The following ANO7 variants were observed in gnomAD, a reference collection of about 807,000 sequenced individuals.
ANO7 encodes anoctamin-7.
ANO7 carries 114 observed loss-of-function variants against 115.8 expected under a neutral mutation model. The ratio of observed to expected loss-of-function variants is 0.98; its 90% confidence interval spans 0.85 to 1.15. ANO7 has a LOEUF of 1.15. ANO7 is among the 50% of genes most tolerant of loss of function. The pLI is 0.00. For synonymous variants in ANO7, 550 were observed against 498.2 expected, an observed-to-expected ratio of 1.10 and a Z score of -1.38; for missense variants, 1,302 against 1,201.2, an observed-to-expected ratio of 1.08 and a Z score of -1.24.
At chr2:241,190,311 C>A (rs2068167189) in intron 2 of ANO7, 140 bp downstream of exon 2, 3 of 683,268 alleles carry the variant, frequency 4.4e-6, no homozygotes, top group Non-Finnish European at 7.5e-6. Flanking sequence ...ACCCCCAAGC[C>A]CTCGCCACCC....
At chr2:241,214,110 T>C (rs1363523099) in intron 17 of ANO7, among the ~76,000 whole-genome samples, 1 of 151,816 alleles carries the variant, frequency 6.6e-6, no homozygotes, top group Non-Finnish European at 1.5e-5. Context: ...TATGGTGAAA[T>C]CCCGTCTCTA....
intron 13 of ANO7, 107 bp downstream of exon 13, chr2:241,209,742 G>C: frequency 7.1e-7 from 1 of 1,414,084 alleles, no homozygotes; most frequent in Non-Finnish European, 9.3e-7. Flanking sequence ...CCTCCTCTGG[G>C]CACAGAACCC....
At chr2:241,227,852 T>G, downstream of ANO7, 1 of 151,788 alleles carries the variant, frequency 6.6e-6, no homozygotes, top group South Asian at 2.1e-4. Flanking sequence ...GGAGGTGGAG[T>G]AGACAGATCC....
rs1459901131 is a variant in ANO7, at chr2:241,200,115, G to A, written c.444G>A (p.Trp148Ter). The change falls in exon 6 of 25, where the codon TGG (tryptophan) becomes TGA (stop). Residue 148 changes from tryptophan (W) to a stop codon, truncating the protein, a stop_gained. Coordinates refer to ENST00000674324, the MANE Select transcript of ANO7 (RefSeq NM_001370694.2). LOFTEE classifies it high-confidence loss of function. ...LQELPNQASN[W>*]SAGLLAWLGI... ...AGTTACCCAACCAGGCCTCCAACTG[G>A]TCGGCCGGCCTGCTGGCATGGCTGG... The A allele has an allele frequency of 6.2e-7, 1 of 1,612,980 alleles. No homozygotes were observed. The highest frequency in any genetic ancestry group is 1.7e-5 in the Admixed American group (1 of 60,006).
chr2:241,194,533 T>C (rs994889676), intron 3 of ANO7, among the ~76,000 whole-genome samples: 1 of 151,840 alleles, frequency 6.6e-6, no homozygotes, highest in Admixed American at 6.6e-5. Context: ...TTAGCCAGGA[T>C]GGTCTTGATC....
At chr2:241,204,754 C>A in intron 9 of ANO7, 111 bp from the exon 10 acceptor site, 1 of 754,718 alleles carries the variant, frequency 1.3e-6, no homozygotes, top group South Asian at 1.8e-5. Context: ...GCCCCAGCCC[C>A]CAAGCTGGGC....
chr2:241,189,016 AG>A (rs1168331232), intron 1 of ANO7, among the ~76,000 whole-genome samples: 2 of 152,204 alleles, frequency 1.3e-5, no homozygotes, highest in Non-Finnish European at 2.9e-5. Flanking sequence ...CCCATGGAGC[AG>A]GTCCCTTCGT....
chr2:241,202,036 G>C (rs2068484290), intron 7 of ANO7, among the ~76,000 whole-genome samples, 158 bp from the exon 8 acceptor site: 1 of 152,250 alleles, frequency 6.6e-6, no homozygotes, highest in African/African-American at 2.4e-5. Flanking sequence ...ATGTGCGGTG[G>C]TGACACAAAG....
Position 241,203,210 on chromosome 2 carries a change from A to T in ANO7, c.724-123A>T. 1.3e-6 allele frequency: 1 copy of T among 741,180 alleles called. No individual in the cohort carries two copies. The highest frequency in any genetic ancestry group is 2.0e-6 in the Non-Finnish European group (1 of 490,404). The allele number at this position is 741,180 out of a possible 1,614,324, so 45.9% of individuals were successfully genotyped here. A position where few individuals can be genotyped will look rare whatever the true frequency, so the allele number is the denominator to read the frequency against. ...CTCCACATTACTCTATTTTTTCTTC[A>T]TGGAGCAATCCCAGACTCCCAGGCC... On this transcript the variant is annotated intron_variant, in intron 8 of 24. Transcript: ENST00000674324. This position sits in a 1 kb window ranked among gnomAD's most constrained non-coding sequence, Gnocchi z 4.8.
the ANO7 span, among the ~76,000 whole-genome samples, chr2:241,232,785 C>T: frequency 1.3e-5 from 2 of 151,910 alleles, no homozygotes; most frequent in African/African-American, 2.4e-5. Flanking sequence ...CTGCACTCCA[C>T]CTGGGGCAAC....
At chr2:241,202,414 C>A in intron 8 of ANO7, 110 bp downstream of exon 8, 1 of 918,990 alleles carries the variant, frequency 1.1e-6, no homozygotes, top group Non-Finnish European at 1.7e-6. Flanking sequence ...GCCGGCGTGG[C>A]CACCCAGGAG....
At chr2:241,238,020 ACTGATAACACAGAGTGGAGGGCGGGCAT>A in the ANO7 span, among the ~76,000 whole-genome samples, 7 of 152,250 alleles carry the variant, frequency 4.6e-5, no homozygotes, top group Admixed American at 1.3e-4. The surrounding 1 kb of genome is among the most constrained non-coding windows in gnomAD (Gnocchi z 4.9). Context: ...CTCAACCAAG[ACTGATAACACAGAGTGGAGGGCGGGCAT>A]CTGATAACAC....
downstream of ANO7, chr2:241,229,806 C>T (rs775856111): frequency 1.9e-6 from 3 of 1,563,786 alleles, no homozygotes; most frequent in East Asian, 4.7e-5. Flanking sequence ...TCCCTGGGAC[C>T]CAGGAGGGCA....
At chr2:241,218,711 C>T (rs1311593703) in intron 21 of ANO7, among the ~76,000 whole-genome samples, 1 of 152,194 alleles carries the variant, frequency 6.6e-6, no homozygotes, top group Non-Finnish European at 1.5e-5. Context: ...CCGGGGGCGT[C>T]GGCAGACTCG....
At chr2:241,216,568 G>A (rs1017147033) in intron 19 of ANO7, among the ~76,000 whole-genome samples, 3 of 152,224 alleles carry the variant, frequency 2.0e-5, no homozygotes, top group Non-Finnish European at 4.4e-5. Context: ...CAGGCCCTGG[G>A]GGCTGACAGA....
At chr2:241,226,430 T>C (rs2069172435), downstream of ANO7, among the ~76,000 whole-genome samples, 1 of 135,390 alleles carries the variant, frequency 7.4e-6, no homozygotes, top group South Asian at 2.2e-4. Flanking sequence ...ATGTTCGGCA[T>C]TTTTTTTTTT....
chr2:241,199,940 T>A, intron 5 of ANO7, 149 bp from the exon 6 acceptor site: 2 of 862,542 alleles, frequency 2.3e-6, no homozygotes, highest in Non-Finnish European at 3.5e-6. Context: ...GGGGCTCACC[T>A]GGGCCCTCAC....
the ANO7 span, chr2:241,238,828 T>C: frequency 6.8e-7 from 1 of 1,475,456 alleles, no homozygotes; most frequent in Non-Finnish European, 9.1e-7. The surrounding 1 kb of genome is among the most constrained non-coding windows in gnomAD (Gnocchi z 4.9). Flanking sequence ...AGAGCAAAGA[T>C]TAAATTCCTT....
downstream of ANO7, chr2:241,228,010 G>A (rs1398238346): frequency 6.6e-6 from 1 of 152,222 alleles, no homozygotes; most frequent in African/African-American, 2.4e-5. Context: ...GAGCAAATGG[G>A]GACTTGCCGA....
Sources: allele counts gnomAD v4.1 joint callset (sites outside exome capture counted in the v4.1 genomes callset), GRCh38; gene constraint gnomAD v4.1.1; non-coding constraint Gnocchi (gnomAD v3.1); transcripts MANE v1.5; gene names NCBI Gene and HGNC (gene_info 2026-07-23, HGNC 2026-07-21).